CDH7: variants seen among roughly 807,000 people sequenced by gnomAD.
CDH7 encodes cadherin-7.
CDH7 carries 25 observed loss-of-function variants against 71.8 expected under a neutral mutation model. That is an observed-to-expected ratio of 0.35 (90% CI 0.25 to 0.49). CDH7 has a LOEUF of 0.49. Ranked by LOEUF, CDH7 falls within the 20% of genes least tolerant of loss-of-function variation. The pLI, the probability that CDH7 is intolerant of heterozygous loss-of-function variation, is 0.99. For synonymous variants in CDH7, 381 were observed against 363.8 expected, an observed-to-expected ratio of 1.05 and a Z score of -0.54; for missense variants, 862 against 974.6, an observed-to-expected ratio of 0.88 and a Z score of 1.54.
In CDH7 at chr18:65,862,697, C is replaced by A; in HGVS notation, c.1644C>A (p.Asn548Lys). 6.2e-7 allele frequency: 1 copy of A among 1,614,064 alleles called. No homozygotes were observed. Among genetic ancestry groups the A allele is most frequent in the Non-Finnish European group, 8.5e-7 (1 of 1,179,920 alleles). The change falls in exon 11 of 12, where the codon AAC (asparagine) becomes AAA (lysine). Residue 548 changes from asparagine to lysine, a missense_variant. By Grantham distance (94) the Asn-to-Lys change is moderately conservative. Coordinates refer to ENST00000397968, the MANE Select transcript of CDH7 (RefSeq NM_004361.5). Reference sequence around the variant, plus strand: ...CAGCCTCAATACTGACCAGGAGAAACGGCTTCCGGAGACAGGAACAATCAG... The same window carrying A: ...CAGCCTCAATACTGACCAGGAGAAAAGGCTTCCGGAGACAGGAACAATCAG... ...DNTASILTRR[N>K]GFRRQEQSVY...
In CDH7 at chr18:65,781,938, C is replaced by T. The variant is rs374195609; in HGVS notation, c.210+18886C>T. Among the ~76,000 whole-genome samples, 73 of 53,368 alleles carry T rather than the reference C, an allele frequency of 1.4e-3. 3 individuals carry two copies. The highest frequency in any genetic ancestry group is 5.3e-3 in the African/African-American group (29 of 5,494). 35.0% of individuals were successfully genotyped at this position (53,368 alleles called of 152,430 possible). A position where few individuals can be genotyped will look rare whatever the true frequency, so the allele number is the denominator to read the frequency against. On this transcript the variant is annotated intron_variant, in intron 2 of 11. Coordinates refer to ENST00000397968, the MANE Select transcript of CDH7 (RefSeq NM_004361.5). ...TTTCTCTCTTTCTCTCTCTCTCTCTCTCTCTCTTTCTCTCTTTCTCTCTTT... is the reference window on the plus strand; with the variant it reads ...TTTCTCTCTTTCTCTCTCTCTCTCTTTCTCTCTTTCTCTCTTTCTCTCTTT...
chr18:65,823,821 A>G (rs1176298553), intron 5 of CDH7, among the ~76,000 whole-genome samples: 4 of 151,910 alleles, frequency 2.6e-5, no homozygotes, highest in Non-Finnish European at 5.9e-5. Context: ...ACCAAAGGAA[A>G]CAGAAGTAGA....
chr18:65,799,473 C>T (rs954990663), intron 2 of CDH7, among the ~76,000 whole-genome samples: 43 of 151,964 alleles, frequency 2.8e-4, no homozygotes, highest in Non-Finnish European at 4.1e-4. Context: ...GTCAGGAGAT[C>T]GAGACCATCC....
In CDH7 at chr18:65,817,381, T is replaced by A. The variant is rs754787409; in HGVS notation, c.625+2777T>A. Reference sequence around the variant, plus strand: ...CTTGCTGAGAACATCCCCTACAGGTTGCAAAAAGAATCCCCTCCTCAATGA... The same window carrying A: ...CTTGCTGAGAACATCCCCTACAGGTAGCAAAAAGAATCCCCTCCTCAATGA... On this transcript the variant is annotated intron_variant, in intron 4 of 11. Coordinates refer to ENST00000397968, the MANE Select transcript of CDH7 (RefSeq NM_004361.5). 1.8e-4 allele frequency among the ~76,000 whole-genome samples: 27 copies of A among 152,234 alleles called. 1 individual carries two copies. The highest frequency in any genetic ancestry group is 6.5e-5 in the Admixed American group (1 of 15,288).
At chr18:65,769,131 G>A (rs1916469336) in intron 2 of CDH7, among the ~76,000 whole-genome samples, 1 of 152,202 alleles carries the variant, frequency 6.6e-6, no homozygotes, top group African/African-American at 2.4e-5. Flanking sequence ...CACAGAGGAA[G>A]AACTCACAGA....
intron 11 of CDH7, among the ~76,000 whole-genome samples, chr18:65,877,260 T>G (rs1453883884): frequency 6.6e-6 from 1 of 152,130 alleles, no homozygotes; most frequent in African/African-American, 2.4e-5. Flanking sequence ...ATATCCTTGA[T>G]GTGTATTGTA....
chr18:65,772,522 T>G (rs961702209), intron 2 of CDH7, among the ~76,000 whole-genome samples: 2 of 152,176 alleles, frequency 1.3e-5, no homozygotes, highest in South Asian at 2.1e-4. Context: ...GCGATTTGAT[T>G]TAATTATACC....
rs1280412486 is a variant in CDH7 at position 65,882,630 on chromosome 18, C to T, written c.*1736C>T. On this transcript the variant is annotated 3_prime_UTR_variant, in exon 12 of 12. Coordinates refer to ENST00000397968, the MANE Select transcript of CDH7 (RefSeq NM_004361.5). ...TAAATAATCCAATAAATTTCATTACCTGCAAACAGTTCTTTAATTTGAATA... is the reference window on the plus strand; with the variant it reads ...TAAATAATCCAATAAATTTCATTACTTGCAAACAGTTCTTTAATTTGAATA... The T allele has an allele frequency of 2.0e-5, 3 of 151,972 alleles. No individual in the cohort carries two copies. The highest frequency in any genetic ancestry group is 7.2e-5 in the African/African-American group (3 of 41,390). The allele number at this position is 151,972 out of a possible 1,614,324, so 9.4% of individuals were successfully genotyped here.
At chr18:65,798,651 T>C (rs1255274359) in intron 2 of CDH7, among the ~76,000 whole-genome samples, 1 of 152,146 alleles carries the variant, frequency 6.6e-6, no homozygotes, top group Non-Finnish European at 1.5e-5. Context: ...TTGGCTGACC[T>C]TGTGGGGAGG....
At position 65,862,794 on chromosome 18, in the gene CDH7, C is replaced by A. The variant is rs751580414; in HGVS notation, c.1741C>A (p.Arg581Ser). ...SLSSTNTLTI[R>S]VCDCDADGVA... ...TAGCAGCACCAACACCCTCACCATCCGCGTGTGTGACTGTGATGCTGACGG... is the reference window on the plus strand; with the variant it reads ...TAGCAGCACCAACACCCTCACCATCAGCGTGTGTGACTGTGATGCTGACGG... The change falls in exon 11 of 12, where the codon CGC (arginine) becomes AGC (serine). Residue 581 changes from arginine (R) to serine (S), a missense_variant. By Grantham distance (110) the Arg-to-Ser change is moderately radical. Transcript: ENST00000397968. The A allele has an allele frequency of 6.2e-7, 1 of 1,614,120 alleles. No homozygotes were observed. The highest frequency in any genetic ancestry group is 8.5e-7 in the Non-Finnish European group (1 of 1,179,994).
intron 7 of CDH7, 72 bp downstream of exon 7, chr18:65,844,137 G>C (rs1182281022): frequency 8.4e-7 from 1 of 1,183,650 alleles, no homozygotes; most frequent in African/African-American, 2.0e-5. Flanking sequence ...CTTATTTTAC[G>C]CTCTGATGTT....
intron 6 of CDH7, among the ~76,000 whole-genome samples, chr18:65,833,759 G>A (rs1389012643): frequency 1.3e-5 from 2 of 152,148 alleles, no homozygotes; most frequent in African/African-American, 2.4e-5. Flanking sequence ...AAAAAGATAA[G>A]AAATTAACAT....
rs1354474587 is a variant in CDH7, at chr18:65,888,860, A to T, written c.*7966A>T. On this transcript the variant is annotated 3_prime_UTR_variant, in exon 12 of 12. Transcript: ENST00000397968. Reference sequence around the variant, plus strand: ...CCTTTATCTTTTTATTAAGACTGTCAATAAATGATGGTTTGGTTTAAGAGG... The same window carrying T: ...CCTTTATCTTTTTATTAAGACTGTCTATAAATGATGGTTTGGTTTAAGAGG... 1 of 152,186 alleles carries T rather than the reference A, an allele frequency of 6.6e-6. No homozygotes were observed. Among genetic ancestry groups the T allele is most frequent in the Non-Finnish European group, 1.5e-5 (1 of 68,030 alleles). 9.4% of individuals were successfully genotyped at this position (152,186 alleles called of 1,614,324 possible).
At chr18:65,758,533 G>A (rs1916098988) in intron 1 of CDH7, among the ~76,000 whole-genome samples, 7 of 152,120 alleles carry the variant, frequency 4.6e-5, no homozygotes, top group Admixed American at 4.6e-4. Context: ...TTTTCCAAGT[G>A]CATTCCACAA....
chr18:65,856,605 A>G (rs1166828257), intron 7 of CDH7, among the ~76,000 whole-genome samples: 1 of 152,170 alleles, frequency 6.6e-6, no homozygotes, highest in African/African-American at 2.4e-5. Flanking sequence ...TCAAGAATCA[A>G]GAAGATGAAG....
At chr18:65,849,482 G>A (rs1020935102) in intron 7 of CDH7, among the ~76,000 whole-genome samples, 15 of 146,224 alleles carry the variant, frequency 1.0e-4, no homozygotes, top group Admixed American at 4.2e-4. Context: ...GTGTGATCTC[G>A]GTTCACTGCA....
In CDH7 at chr18:65,859,693, T is replaced by C. The variant is rs767851466; in HGVS notation, c.1495-15T>C. 5.3e-6 allele frequency: 8 copies of C among 1,508,456 alleles called. No homozygotes were observed. The highest frequency in any genetic ancestry group is 4.5e-5 in the South Asian group (4 of 88,944). 93.4% of individuals were successfully genotyped at this position (1,508,456 alleles called of 1,614,324 possible). A position where few individuals can be genotyped will look rare whatever the true frequency, so the allele number is the denominator to read the frequency against. On this transcript the variant is annotated splice_polypyrimidine_tract_variant and intron_variant, in intron 9 of 11. Coordinates refer to ENST00000397968, the MANE Select transcript of CDH7 (RefSeq NM_004361.5). ...ACACCAATGTGCTTTCATCTTTTAC[T>C]TTCTCTTTTCCTAGGTTATCCAGAA...
Position 65,859,709 on chromosome 18 carries a change from T to A in CDH7, c.1496T>A (p.Val499Asp), listed in dbSNP as rs1210622234. The A allele has an allele frequency of 1.3e-5, 21 of 1,583,172 alleles. No individual in the cohort carries two copies. The highest frequency in any genetic ancestry group is 1.8e-5 in the Non-Finnish European group (21 of 1,152,080). Reference protein sequence around the residue: ...TVCENAQPGQVIQKISAVDKD... With the variant: ...TVCENAQPGQDIQKISAVDKD... ...ATCTTTTACTTTCTCTTTTCCTAGG[T>A]TATCCAGAAAATCAGTGCTGTGGAT... Residue 499 changes from valine (V) to aspartate (D), a missense_variant and splice_region_variant, in exon 10 of 12, where the codon GTT becomes GAT. Transcript: ENST00000397968.
intron 7 of CDH7, among the ~76,000 whole-genome samples, chr18:65,850,425 A>G (rs1262969744): frequency 6.6e-6 from 1 of 151,698 alleles, no homozygotes; most frequent in Non-Finnish European, 1.5e-5. Context: ...AAAGGAAAAA[A>G]CTGAATGGCC....
Sources: gnomAD v4.1 joint callset for allele counts (sites outside exome capture counted in the v4.1 genomes callset) on GRCh38, gnomAD v4.1.1 for gene constraint, MANE v1.5 for transcripts, NCBI Gene and HGNC (gene_info 2026-07-23, HGNC 2026-07-21) for gene names.